The following DAAM1 variants were observed in gnomAD, a reference collection of about 807,000 sequenced individuals.
DAAM1 encodes dishevelled associated activator of morphogenesis 1.
Under a neutral mutation model 130.0 loss-of-function variants are expected in DAAM1, and 52 were observed. The observed-to-expected ratio is 0.40, with a 90% confidence interval of 0.32 to 0.50. The LOEUF (loss-of-function observed/expected upper bound fraction) is 0.50. Among genes scored for constraint, DAAM1 ranks in the 20% least tolerant of loss-of-function variants. DAAM1 has a pLI of 0.61. For synonymous variants in DAAM1, 452 were observed against 444.5 expected (o/e 1.02, Z -0.21); for missense variants, 1,134 against 1,303.8 (o/e 0.87, Z 2.01).
At position 59,251,881 on chromosome 14, in the gene DAAM1, G is replaced by T. The variant is rs115943867; in HGVS notation, c.-37-11560G>T. On this transcript the variant is annotated intron_variant, in intron 1 of 24. Transcript: ENST00000360909. Reference sequence around the variant, plus strand: ...GTGATTCTGTCATTGTTTCTGGGTGGCTTCTCCTTGCTGCATCATCAGCAG... The same window carrying T: ...GTGATTCTGTCATTGTTTCTGGGTGTCTTCTCCTTGCTGCATCATCAGCAG... 2.2e-3 allele frequency among the ~76,000 whole-genome samples: 328 copies of T among 152,228 alleles called. 1 individual carries two copies. Among genetic ancestry groups the T allele is most frequent in the African/African-American group, 7.7e-3 (320 of 41,534 alleles).
At position 59,347,603 on chromosome 14, in the gene DAAM1, C is replaced by G. The variant is rs141994965; in HGVS notation, c.2140C>G (p.Pro714Ala). The G allele has an allele frequency of 8.9e-5, 143 of 1,613,660 alleles. 4 individuals carry two copies. Among genetic ancestry groups the G allele is most frequent in the East Asian group, 4.0e-4 (18 of 44,832 alleles). ...ILTMDEQEDL[P>A]KDMLEQLLKF... The stretch of plus-strand genomic sequence containing the variant: ...AACAATGGACGAACAGGAAGATCTG[C>G]CCAAGGACATGTTGGAACAGGTGAG... The change falls in exon 17 of 25, where the codon CCC (proline) becomes GCC (alanine). Residue 714 changes from proline to alanine, a missense_variant. Transcript: ENST00000360909.
chr14:59,253,160 A>C (rs569897790), intron 1 of DAAM1, among the ~76,000 whole-genome samples: 2 of 152,336 alleles, frequency 1.3e-5, no homozygotes, highest in East Asian at 3.9e-4. Context: ...GGAGGCAAAA[A>C]TATGTACAAC....
chr14:59,221,904 C>T (rs1241956319), intron 1 of DAAM1, among the ~76,000 whole-genome samples: 1 of 152,216 alleles, frequency 6.6e-6, no homozygotes, highest in Non-Finnish European at 1.5e-5. Flanking sequence ...TTGCCAGTGA[C>T]CCACTAGGCG....
chr14:59,326,192 T>C, intron 10 of DAAM1, 115 bp downstream of exon 10: 1 of 1,028,168 alleles, frequency 9.7e-7, no homozygotes, highest in Non-Finnish European at 1.5e-6. Flanking sequence ...ATTCCAAGCC[T>C]TGGTTTTATG....
intron 20 of DAAM1, chr14:59,357,418 C>G (rs2139677669): frequency 6.6e-6 from 1 of 152,274 alleles, no homozygotes; most frequent in Admixed American, 6.5e-5. Context: ...TGGCATTTTG[C>G]TCACTCCTTG....
chr14:59,237,305 G>T (rs551082327), intron 1 of DAAM1, among the ~76,000 whole-genome samples: 1 of 152,166 alleles, frequency 6.6e-6, no homozygotes, highest in East Asian at 1.9e-4. Flanking sequence ...GAGACATCCC[G>T]CCAGGTGGTG....
intron 1 of DAAM1, among the ~76,000 whole-genome samples, chr14:59,189,823 C>G (rs1014580736): frequency 3.3e-5 from 5 of 152,178 alleles, no homozygotes; most frequent in Admixed American, 6.5e-5. Flanking sequence ...GCTAAGGTCT[C>G]AAGTTGTTCA....
At chr14:59,307,651 A>G (rs537931088) in intron 3 of DAAM1, among the ~76,000 whole-genome samples, 2 of 152,282 alleles carry the variant, frequency 1.3e-5, no homozygotes, top group Non-Finnish European at 2.9e-5. Flanking sequence ...GCATAAACCA[A>G]AGAAAAGGAA....
intron 15 of DAAM1, among the ~76,000 whole-genome samples, chr14:59,334,789 A>G (rs1447329265): frequency 6.6e-6 from 1 of 152,228 alleles, no homozygotes; most frequent in Non-Finnish European, 1.5e-5. Flanking sequence ...TCTGCTTTGT[A>G]TACAAAGTAC....
intron 2 of DAAM1, among the ~76,000 whole-genome samples, chr14:59,277,480 A>T (rs1377306693): frequency 2.0e-5 from 3 of 151,274 alleles, no homozygotes; most frequent in East Asian, 3.8e-4. Flanking sequence ...TTAATAATAA[A>T]AAAAAATCTT....
chr14:59,326,720 G>C (rs1351385241), intron 11 of DAAM1, 72 bp downstream of exon 11: 44 of 1,578,508 alleles, frequency 2.8e-5, no homozygotes, highest in Non-Finnish European at 3.8e-5. Context: ...TCCTACTTCA[G>C]AGTAACAGCT....
intron 22 of DAAM1, among the ~76,000 whole-genome samples, chr14:59,361,945 A>G (rs983098851): frequency 8.4e-6 from 1 of 119,714 alleles, no homozygotes; most frequent in Admixed American, 8.2e-5. Flanking sequence ...TTAAAGACAT[A>G]CCTCTAATAA....
chr14:59,325,603 T>A, intron 8 of DAAM1, 61 bp from the exon 9 acceptor site: 2 of 1,423,134 alleles, frequency 1.4e-6, no homozygotes, highest in Non-Finnish European at 2.0e-6. Flanking sequence ...ATGTCCTCAG[T>A]CTTATGCACC....
intron 20 of DAAM1, 185 bp from the exon 21 acceptor site, chr14:59,359,212 T>C (rs1886609305): frequency 4.0e-6 from 2 of 501,138 alleles, no homozygotes; most frequent in Non-Finnish European, 7.2e-6. Flanking sequence ...ATTATTCCTG[T>C]CTCTTGAGAA....
chr14:59,280,842 A>G (rs1311590848), intron 2 of DAAM1, among the ~76,000 whole-genome samples: 1 of 152,152 alleles, frequency 6.6e-6, no homozygotes, highest in Non-Finnish European at 1.5e-5. Context: ...GCAAACTTTC[A>G]GAAGTTGGCA....
chr14:59,255,482 A>C (rs1881837633), intron 1 of DAAM1, among the ~76,000 whole-genome samples: 1 of 152,192 alleles, frequency 6.6e-6, no homozygotes, highest in Non-Finnish European at 1.5e-5. Context: ...GGGATGGCCA[A>C]GGAGAGAAGC....
intron 1 of DAAM1, among the ~76,000 whole-genome samples, chr14:59,255,572 C>G (rs1251033517): frequency 1.3e-5 from 2 of 152,120 alleles, no homozygotes; most frequent in African/African-American, 4.8e-5. Context: ...ATGCAAATTA[C>G]ACATCAGAGC....
intron 1 of DAAM1, among the ~76,000 whole-genome samples, chr14:59,229,452 C>A (rs988200747): frequency 1.1e-4 from 16 of 152,032 alleles, no homozygotes; most frequent in African/African-American, 3.9e-4. Flanking sequence ...TATATAATAC[C>A]CTTGATTTAT....
chr14:59,347,478 A>T, intron 16 of DAAM1, 61 bp from the exon 17 acceptor site: 1 of 1,490,974 alleles, frequency 6.7e-7, no homozygotes, highest in South Asian at 1.2e-5. Flanking sequence ...TAGCAAAGTG[A>T]ATTATGTTAA....
Sources: allele counts gnomAD v4.1 joint callset (sites outside exome capture counted in the v4.1 genomes callset), GRCh38; gene constraint gnomAD v4.1.1; transcripts MANE v1.5; gene names NCBI Gene and HGNC (gene_info 2026-07-23, HGNC 2026-07-21).